NRG3: variants seen among roughly 807,000 people sequenced by gnomAD.
NRG3 encodes the protein pro-neuregulin-3, membrane-bound isoform.
NRG3 carries 31 observed loss-of-function variants against 66.9 expected under a neutral mutation model. The observed-to-expected ratio is 0.46, with a 90% CI of 0.35 to 0.63. NRG3 has a LOEUF of 0.63. Ranked by LOEUF, NRG3 falls within the 20% of genes least tolerant of loss-of-function variation. The probability of loss-of-function intolerance (pLI) is 0.00; values close to 1 mark genes in which losing one functional copy is unlikely to be tolerated. For missense variants in NRG3, 910 were observed against 878.9 expected (o/e 1.04, Z -0.45); for synonymous variants, 393 against 359.4 (o/e 1.09, Z -1.06).
At chr10:82,868,155 A>G (rs1840947709) in intron 4 of NRG3, among the ~76,000 whole-genome samples, 1 of 152,196 alleles carries the variant, frequency 6.6e-6, no homozygotes, top group Non-Finnish European at 1.5e-5. Flanking sequence ...CCGTGTTGAA[A>G]GAAATGGACC....
intron 3 of NRG3, among the ~76,000 whole-genome samples, chr10:82,861,799 T>A (rs140600294): frequency 6.6e-6 from 1 of 152,210 alleles, no homozygotes; most frequent in Non-Finnish European, 1.5e-5. Context: ...TGTGGTCCAC[T>A]GTTTGAGATC....
intron 2 of NRG3, among the ~76,000 whole-genome samples, chr10:82,491,187 G>A (rs1486550798): frequency 4.6e-5 from 7 of 150,774 alleles, no homozygotes; most frequent in Non-Finnish European, 3.0e-5. Context: ...TCAAGTCTTT[G>A]TCCATGTTTT....
chr10:82,233,210 A>G (rs1372170898), intron 1 of NRG3, among the ~76,000 whole-genome samples: 1 of 152,122 alleles, frequency 6.6e-6, no homozygotes, highest in Non-Finnish European at 1.5e-5. Context: ...TAAAAATACA[A>G]AAAAATTAGC....
rs963715376 is a variant in NRG3, at chr10:82,007,428, C to T, written c.823+131265C>T. 5.9e-5 allele frequency among the ~76,000 whole-genome samples: 9 copies of T among 151,872 alleles called. 1 individual carries two copies. Among genetic ancestry groups the T allele is most frequent in the African/African-American group, 7.2e-5 (3 of 41,436 alleles). ...TTTCACAATGTTGGCCAGATGGTTT[C>T]GATCTCTTGACTTTGTGATCTGCAT... On this transcript the variant is annotated intron_variant, in intron 1 of 8. Transcript: ENST00000372141.
chr10:82,509,690 A>G (rs930415610), intron 2 of NRG3, among the ~76,000 whole-genome samples: 2 of 152,168 alleles, frequency 1.3e-5, no homozygotes, highest in African/African-American at 4.8e-5. Flanking sequence ...TGGTTCTTCC[A>G]TTTTTGTCAC....
chr10:82,132,479 G>GATATATATCATATATATATATC (rs1590227753), intron 1 of NRG3, among the ~76,000 whole-genome samples: 5 of 62,466 alleles, frequency 8.0e-5, no homozygotes, highest in African/African-American at 2.4e-4. Flanking sequence ...ATATATATAT[G>GATATATATCATATATATATATC]ATATATATAT....
chr10:82,659,639 G>A (rs1235141991), intron 2 of NRG3, among the ~76,000 whole-genome samples: 3 of 151,856 alleles, frequency 2.0e-5, no homozygotes, highest in Admixed American at 6.6e-5. Flanking sequence ...GCGAGCGAGC[G>A]AGACTCCGTC....
In NRG3 at chr10:82,527,322, A is replaced by T. The variant is rs576193727; in HGVS notation, c.953+168454A>T. Among the ~76,000 whole-genome samples, 485 of 147,988 alleles carry T rather than the reference A, an allele frequency of 3.3e-3. 1 individual carries two copies. Among genetic ancestry groups the T allele is most frequent in the South Asian group, 9.8e-3 (47 of 4,812 alleles). On this transcript the variant is annotated intron_variant, in intron 2 of 8. Coordinates refer to ENST00000372141, the MANE Select transcript of NRG3 (RefSeq NM_001010848.4). The stretch of plus-strand genomic sequence containing the variant: ...CCATGTATGTAAAATTAAAAAAAAA[A>T]ATATTAGTAAATATAATTGTTTAGA...
At chr10:82,752,034 A>G (rs1037064589) in intron 3 of NRG3, among the ~76,000 whole-genome samples, 10 of 152,134 alleles carry the variant, frequency 6.6e-5, no homozygotes, top group Admixed American at 6.6e-4. Context: ...TTTTGATTGA[A>G]TGAGTGAAAG....
At chr10:82,352,010 C>A (rs1227123507) in intron 1 of NRG3, among the ~76,000 whole-genome samples, 2 of 152,130 alleles carry the variant, frequency 1.3e-5, no homozygotes, top group Non-Finnish European at 2.9e-5. Context: ...GTTCAAACTC[C>A]CAGGGAGGCT....
intron 1 of NRG3, among the ~76,000 whole-genome samples, chr10:81,892,592 A>G (rs921049359): frequency 1.3e-5 from 2 of 152,124 alleles, no homozygotes; most frequent in African/African-American, 4.8e-5. Flanking sequence ...TGATATCAGA[A>G]TGTGGCTCCA....
intron 2 of NRG3, among the ~76,000 whole-genome samples, chr10:82,362,912 T>G (rs1279468275): frequency 6.6e-6 from 1 of 152,132 alleles, no homozygotes; most frequent in African/African-American, 2.4e-5. Context: ...GTTAATGTAA[T>G]AAACAAATAA....
chr10:82,300,617 C>T (rs1187917664), intron 1 of NRG3, among the ~76,000 whole-genome samples: 2 of 152,004 alleles, frequency 1.3e-5, no homozygotes, highest in Non-Finnish European at 2.9e-5. Context: ...TTTGTTTTGC[C>T]CTGTTTGCCG....
chr10:82,038,021 C>A (rs1011598062), intron 1 of NRG3, among the ~76,000 whole-genome samples: 1 of 151,820 alleles, frequency 6.6e-6, no homozygotes, highest in Non-Finnish European at 1.5e-5. Context: ...ATTCAAATCT[C>A]GGAAAACCCA....
At chr10:82,102,598 G>T (rs980642011) in intron 1 of NRG3, among the ~76,000 whole-genome samples, 1 of 150,844 alleles carries the variant, frequency 6.6e-6, no homozygotes. Context: ...TTAATTATTG[G>T]CCTTTTGGGA....
chr10:82,424,956 G>T (rs888552092), intron 2 of NRG3, among the ~76,000 whole-genome samples: 1 of 151,924 alleles, frequency 6.6e-6, no homozygotes, highest in African/African-American at 2.4e-5. Context: ...TAAATGCAAA[G>T]ATTTATTTCT....
chr10:82,827,794 G>A (rs1386865320), intron 3 of NRG3, among the ~76,000 whole-genome samples: 2 of 152,076 alleles, frequency 1.3e-5, no homozygotes, highest in Non-Finnish European at 2.9e-5. Context: ...GAATAAAGTG[G>A]TTCATATTTT....
At chr10:82,937,530 T>G (rs949265106) in intron 4 of NRG3, among the ~76,000 whole-genome samples, 14 of 152,352 alleles carry the variant, frequency 9.2e-5, no homozygotes, top group Middle Eastern at 3.4e-3. Context: ...TTTAACAGAC[T>G]TTAATAGAGC....
At position 82,985,417 on chromosome 10, in the gene NRG3, C is replaced by A. The variant is rs1853356247; in HGVS notation, c.1903C>A (p.Gln635Lys). The A allele has an allele frequency of 1.9e-6, 3 of 1,614,074 alleles. No homozygotes were observed. The highest frequency in any genetic ancestry group is 2.5e-6 in the Non-Finnish European group (3 of 1,179,994). ...AGTGAAAATATTGCTAGAAACTGTC[C>A]AGGAGCAGATCCGAATTCTGACTGA... ...QEVKILLETV[Q>K]EQIRILTDAR... Residue 635 changes from glutamine (Q) to lysine (K), a missense_variant, in exon 9 of 9, where the codon CAG (glutamine) becomes AAG (lysine). By Grantham distance (53) the Gln-to-Lys change is moderately conservative. Coordinates refer to ENST00000372141, the MANE Select transcript of NRG3 (RefSeq NM_001010848.4).
Sources: allele counts gnomAD v4.1 joint callset (sites outside exome capture counted in the v4.1 genomes callset), GRCh38; gene constraint gnomAD v4.1.1; transcripts MANE v1.5; gene names NCBI Gene and HGNC (gene_info 2026-07-23, HGNC 2026-07-21).